Variants in CELF2 observed in about 807,000 individuals in gnomAD.
The protein encoded by CELF2 is CUG triplet repeat RNA-binding protein 2.
In CELF2, 8 loss-of-function variants were observed where a neutral mutation model predicts 62.6. The ratio of observed to expected loss-of-function variants is 0.13; its 90% CI spans 0.07 to 0.23. The LOEUF (loss-of-function observed/expected upper bound fraction) is 0.23. CELF2 is among the 10% of genes least tolerant of loss of function. The pLI is 1.00. For synonymous variants in CELF2, 258 were observed against 250.0 expected (o/e 1.03, Z -0.30); for missense variants, 333 against 671.0 (o/e 0.50, Z 5.56).
the CELF2 span, among the ~76,000 whole-genome samples, chr10:10,745,946 T>A: frequency 1.3e-5 from 2 of 152,272 alleles, no homozygotes; most frequent in East Asian, 3.8e-4. Context: ...TCATTTGGTT[T>A]TGATGGCATA....
the CELF2 span, among the ~76,000 whole-genome samples, chr10:10,479,457 G>A: frequency 1.3e-5 from 2 of 152,126 alleles, no homozygotes; most frequent in East Asian, 1.9e-4. Flanking sequence ...ATGAGCCACC[G>A]CACCTGGCCC....
At chr10:10,745,930 T>C in the CELF2 span, among the ~76,000 whole-genome samples, 2 of 152,254 alleles carry the variant, frequency 1.3e-5, no homozygotes, top group Non-Finnish European at 2.9e-5. Flanking sequence ...TATTATTTCC[T>C]GCCTGTCATT....
At chr10:10,492,462 A>AAT in the CELF2 span, among the ~76,000 whole-genome samples, 34,595 of 151,796 alleles carry the variant, frequency 0.23, 4,529 homozygotes, top group African/African-American at 0.37. Context: ...AAGTATAATA[A>AAT]ATATATATAT....
At chr10:10,894,895 G>T (rs2062427950) in intron 1 of CELF2, among the ~76,000 whole-genome samples, 2 of 152,120 alleles carry the variant, frequency 1.3e-5, no homozygotes, top group Non-Finnish European at 2.9e-5. Flanking sequence ...TGCTGTGTTT[G>T]CAAATAATTT....
intron 1 of CELF2, among the ~76,000 whole-genome samples, chr10:10,842,621 T>C (rs75027778): frequency 0.073 from 11,103 of 152,106 alleles, 638 homozygotes; most frequent in East Asian, 0.19. Context: ...CAAACCAGCC[T>C]TGCATACTTG....
intron 2 of CELF2, among the ~76,000 whole-genome samples, chr10:10,924,836 T>G (rs1374379706): frequency 6.7e-6 from 1 of 150,134 alleles, no homozygotes; most frequent in Non-Finnish European, 1.5e-5. Flanking sequence ...AGGATTACTG[T>G]CTGAGAGCCG....
At chr10:10,756,516 C>T in the CELF2 span, among the ~76,000 whole-genome samples, 11 of 152,136 alleles carry the variant, frequency 7.2e-5, no homozygotes, top group Non-Finnish European at 1.3e-4. Context: ...TATGCCATAT[C>T]ATATATTTTA....
the CELF2 span, among the ~76,000 whole-genome samples, chr10:10,787,402 C>G: frequency 6.6e-6 from 1 of 152,110 alleles, no homozygotes; most frequent in African/African-American, 2.4e-5. Flanking sequence ...AAAAACAGAA[C>G]ATACTTAGAG....
chr10:10,714,277 A>G, the CELF2 span, among the ~76,000 whole-genome samples: 19 of 152,212 alleles, frequency 1.2e-4, no homozygotes, highest in African/African-American at 4.1e-4. Context: ...CTGTAATTGC[A>G]TGGTCGTTGC....
At chr10:10,467,790 ATTG>A in the CELF2 span, among the ~76,000 whole-genome samples, 6 of 152,118 alleles carry the variant, frequency 3.9e-5, no homozygotes, top group Admixed American at 6.6e-5. Flanking sequence ...GTATTTCACT[ATTG>A]TTGTGAAATT....
At chr10:10,897,497 G>A (rs1396517826) in intron 1 of CELF2, among the ~76,000 whole-genome samples, 4 of 152,126 alleles carry the variant, frequency 2.6e-5, no homozygotes, top group Non-Finnish European at 5.9e-5. Flanking sequence ...AAACAAAGAA[G>A]GATGAGTACT....
the CELF2 span, among the ~76,000 whole-genome samples, chr10:10,490,254 G>A: frequency 6.6e-6 from 1 of 152,140 alleles, no homozygotes; most frequent in East Asian, 1.9e-4. Context: ...CGAAGAGATA[G>A]GAAATGAAAA....
the CELF2 span, among the ~76,000 whole-genome samples, chr10:10,666,048 C>T: frequency 1.6e-4 from 24 of 152,174 alleles, no homozygotes; most frequent in Non-Finnish European, 3.4e-4. Context: ...GAAAATCCTT[C>T]GATTGGCTCT....
In CELF2 at chr10:11,093,006, C is replaced by T. The variant is rs749993159; in HGVS notation, c.75-72480C>T. ...TTTCAGATGCTGTCCAGTGCAATTC[C>T]GTCCATTCCACTGTGTAATAATAGG... On this transcript the variant is annotated intron_variant, in intron 1 of 12. Coordinates refer to ENST00000633077, the MANE Select transcript of CELF2 (RefSeq NM_001326342.2). Among the ~76,000 whole-genome samples, 30 of 152,184 alleles carry T rather than the reference C, an allele frequency of 2.0e-4. 1 individual carries two copies. The highest frequency in any genetic ancestry group is 1.2e-3 in the Admixed American group (19 of 15,282).
intron 12 of CELF2, among the ~76,000 whole-genome samples, chr10:11,326,583 C>T (rs1202297389): frequency 6.6e-6 from 1 of 152,188 alleles, no homozygotes; most frequent in Admixed American, 6.5e-5. Flanking sequence ...CTGGACTCTG[C>T]CTCTTGTGGG....
chr10:11,061,152 G>C (rs1157180773), intron 1 of CELF2, among the ~76,000 whole-genome samples: 2 of 152,204 alleles, frequency 1.3e-5, no homozygotes, highest in African/African-American at 4.8e-5. Flanking sequence ...TAAATGCAAA[G>C]GAAAAGTTCT....
intron 1 of CELF2, among the ~76,000 whole-genome samples, chr10:11,088,044 A>G (rs1205444740): frequency 2.0e-5 from 3 of 152,204 alleles, no homozygotes; most frequent in Non-Finnish European, 2.9e-5. Context: ...GGCATTGGGA[A>G]CACAGGTGTT....
At chr10:10,484,568 C>T in the CELF2 span, among the ~76,000 whole-genome samples, 2 of 151,352 alleles carry the variant, frequency 1.3e-5, no homozygotes, top group Non-Finnish European at 2.9e-5. Flanking sequence ...CCACCCACCT[C>T]GGTCTCCCAA....
At chr10:11,136,431 A>G (rs997826765) in intron 1 of CELF2, among the ~76,000 whole-genome samples, 2 of 152,140 alleles carry the variant, frequency 1.3e-5, no homozygotes, top group Non-Finnish European at 2.9e-5. Context: ...GCGAAACTCC[A>G]TCTTTACTAA....
Sources: allele counts gnomAD v4.1 joint callset (sites outside exome capture counted in the v4.1 genomes callset), GRCh38; gene constraint gnomAD v4.1.1; transcripts MANE v1.5; gene names NCBI Gene and HGNC (gene_info 2026-07-23, HGNC 2026-07-21).